The following CDC25C variants were observed in gnomAD, a reference collection of about 807,000 sequenced individuals.
The protein encoded by CDC25C is M-phase inducer phosphatase 3.
Under a neutral mutation model 52.5 loss-of-function variants are expected in CDC25C, and 48 were observed. The observed-to-expected ratio is 0.91, with a 90% CI of 0.72 to 1.16. CDC25C has a LOEUF of 1.16. Ranked by LOEUF, CDC25C falls within the 50% of genes most tolerant of loss-of-function variation. CDC25C has a pLI of 0.00. For synonymous variants in CDC25C, 187 were observed against 206.5 expected, an observed-to-expected ratio of 0.91 and a Z score of 0.81; for missense variants, 510 against 566.1, an observed-to-expected ratio of 0.90 and a Z score of 1.01.
chr5:138,323,405 C>A (rs1759592635), intron 6 of CDC25C, among the ~76,000 whole-genome samples: 1 of 152,114 alleles, frequency 6.6e-6, no homozygotes, highest in Non-Finnish European at 1.5e-5. Context: ...CGAGGCGATC[C>A]TCTTGCCTTG....
intron 10 of CDC25C, among the ~76,000 whole-genome samples, chr5:138,287,849 G>C (rs1336465404): frequency 6.6e-6 from 1 of 152,088 alleles, no homozygotes; most frequent in Non-Finnish European, 1.5e-5. Flanking sequence ...AGTACACAAA[G>C]ATGTAGGCAC....
Position 138,285,755 on chromosome 5 carries a change from C to A in CDC25C, c.1359G>T (p.Val453=), listed in dbSNP as rs746095616. The change falls in exon 14 of 14, where the codon GTG becomes GTT. Residue 453 remains valine (V), a synonymous_variant. Coordinates refer to ENST00000323760, the MANE Select transcript of CDC25C (RefSeq NM_001790.5). ...ELLRCRSQSK[V]QEGERQLREQ... Reference sequence around the variant, plus strand: ...CCCGCAGCTGCCGCTCCCCTTCCTGCACTTTGCTCTGGCTTCGACACCTCA... The same window carrying A: ...CCCGCAGCTGCCGCTCCCCTTCCTGAACTTTGCTCTGGCTTCGACACCTCA... The A allele has an allele frequency of 1.7e-5, 27 of 1,614,236 alleles. 1 individual carries two copies. The South Asian group carries it at 2.7e-4, about 16-fold the overall frequency.
chr5:138,322,096 G>A (rs1759456451), intron 6 of CDC25C, among the ~76,000 whole-genome samples: 1 of 151,658 alleles, frequency 6.6e-6, no homozygotes, highest in Non-Finnish European at 1.5e-5. Context: ...CCGCCTCCCG[G>A]GTTCACGCCA....
In CDC25C at chr5:138,286,122, A is replaced by G; in HGVS notation, c.1172T>C (p.Leu391Pro). Residue 391 changes from leucine (L) to proline (P), a missense_variant, in exon 13 of 14, where the codon CTG becomes CCG. Physicochemically the swap from Leu to Pro is moderately conservative, Grantham distance 98. Coordinates refer to ENST00000323760, the MANE Select transcript of CDC25C (RefSeq NM_001790.5). ...SERGPRMCRCLREEDRSLNQY... is the reference protein window; with the variant it reads ...SERGPRMCRCPREEDRSLNQY... Reference sequence around the variant, plus strand: ...GTTCAGAGACCTGTCCTCTTCACGCAGACAGCGGCACCTTTAGAGAGAACC... The same window carrying G: ...GTTCAGAGACCTGTCCTCTTCACGCGGACAGCGGCACCTTTAGAGAGAACC... 1 of 1,613,470 alleles carries G rather than the reference A, an allele frequency of 6.2e-7. No homozygotes were observed. The highest frequency in any genetic ancestry group is 1.1e-5 in the South Asian group (1 of 91,050).
intron 7 of CDC25C, among the ~76,000 whole-genome samples, chr5:138,312,417 AC>A (rs1758523614): frequency 1.3e-5 from 2 of 152,246 alleles, no homozygotes; most frequent in African/African-American, 4.8e-5. Flanking sequence ...ATATTTGTAA[AC>A]CAATTTTTAT....
Position 138,285,707 on chromosome 5 carries a change from C to G in CDC25C, c.1407G>C (p.Lys469Asn), listed in dbSNP as rs1489027328. ...QLREQIALLV[K>N]DMSP ...TGGAATGTTATCATGGGCTCATGTC[C>G]TTCACCAGAAGGGCAATCTGCTCCC... Residue 469 changes from lysine (K) to asparagine (N), a missense_variant, in exon 14 of 14, where the codon AAG becomes AAC. Coordinates refer to ENST00000323760, the MANE Select transcript of CDC25C (RefSeq NM_001790.5). 6.2e-7 allele frequency: 1 copy of G among 1,613,982 alleles called. No individual in the cohort carries two copies. The highest frequency in any genetic ancestry group is 8.5e-7 in the Non-Finnish European group (1 of 1,180,008).
intron 7 of CDC25C, among the ~76,000 whole-genome samples, chr5:138,312,026 A>C (rs1475831566): frequency 2.6e-5 from 4 of 152,208 alleles, no homozygotes; most frequent in Non-Finnish European, 5.9e-5. Flanking sequence ...CATCAGATGG[A>C]TAGTATCAAA....
At chr5:138,318,419 A>G (rs530706761) in intron 7 of CDC25C, among the ~76,000 whole-genome samples, 79 of 152,316 alleles carry the variant, frequency 5.2e-4, no homozygotes, top group Non-Finnish European at 1.0e-3. Context: ...TGTTTATTCA[A>G]GAATGAATTG....
chr5:138,332,529 A>C (rs1760474631), upstream of CDC25C, among the ~76,000 whole-genome samples: 1 of 152,146 alleles, frequency 6.6e-6, no homozygotes, highest in Non-Finnish European at 1.5e-5. Flanking sequence ...AGGACCTCAA[A>C]GATTGGTTAT....
intron 7 of CDC25C, among the ~76,000 whole-genome samples, chr5:138,294,554 G>C (rs1261082058): frequency 6.8e-6 from 1 of 146,988 alleles, no homozygotes; most frequent in East Asian, 2.0e-4. Context: ...ACCCAGGCTG[G>C]AGTGCAGTGG....
rs374835254 is a variant in CDC25C at position 138,300,126 on chromosome 5, C to T, written c.616-8010G>A. Among the ~76,000 whole-genome samples, 6 of 152,044 alleles carry T rather than the reference C, an allele frequency of 3.9e-5. No homozygotes were observed. In the East Asian group the frequency reaches 7.7e-4, roughly 20 times the overall value. On this transcript the variant is annotated intron_variant, in intron 7 of 13. Coordinates refer to ENST00000323760, the MANE Select transcript of CDC25C (RefSeq NM_001790.5). Reference sequence around the variant, plus strand: ...GAGGTGGAAGGATTGCTGGAGCACACAGGAGTTCAAGGCGACATAGTGAGG... The same window carrying T: ...GAGGTGGAAGGATTGCTGGAGCACATAGGAGTTCAAGGCGACATAGTGAGG...
chr5:138,292,848 C>G (rs1756861315), intron 7 of CDC25C, among the ~76,000 whole-genome samples: 1 of 152,124 alleles, frequency 6.6e-6, no homozygotes, highest in South Asian at 2.1e-4. Flanking sequence ...CTGATAACAC[C>G]TTCCAACTAA....
At chr5:138,306,155 C>T (rs1757985807) in intron 7 of CDC25C, among the ~76,000 whole-genome samples, 1 of 152,078 alleles carries the variant, frequency 6.6e-6, no homozygotes, top group Non-Finnish European at 1.5e-5. Flanking sequence ...CTGAGTTCCT[C>T]AGTACCCTCC....
chr5:138,286,670 T>A (rs764282400), intron 11 of CDC25C, 40 bp from the exon 12 acceptor site: 2 of 1,569,708 alleles, frequency 1.3e-6, no homozygotes, highest in Non-Finnish European at 1.7e-6. Flanking sequence ...CCTCAGGGGC[T>A]TATAGACAGT....
At chr5:138,327,131 T>C (rs1170488832) in intron 4 of CDC25C, among the ~76,000 whole-genome samples, 1 of 150,982 alleles carries the variant, frequency 6.6e-6, no homozygotes, top group Non-Finnish European at 1.5e-5. Flanking sequence ...GGCATGTGCC[T>C]GTAGTCCCAG....
chr5:138,290,908 T>C (rs544674272), intron 8 of CDC25C, among the ~76,000 whole-genome samples, 168 bp from the exon 9 acceptor site: 2 of 152,124 alleles, frequency 1.3e-5, no homozygotes, highest in East Asian at 3.9e-4. Context: ...TGAGCTACGA[T>C]TGCACCACTG....
intron 7 of CDC25C, among the ~76,000 whole-genome samples, chr5:138,292,326 T>C (rs1311421930): frequency 2.0e-5 from 3 of 152,050 alleles, no homozygotes; most frequent in African/African-American, 4.8e-5. Flanking sequence ...CCTGTCTTCA[T>C]AGGCCCGTTA....
At chr5:138,296,608 A>T (rs1262173431) in intron 7 of CDC25C, among the ~76,000 whole-genome samples, 111 of 135,602 alleles carry the variant, frequency 8.2e-4, no homozygotes, top group African/African-American at 1.2e-3. Context: ...ATTATTAATT[A>T]TTTTTTTTTT....
intron 9 of CDC25C, among the ~76,000 whole-genome samples, chr5:138,290,058 C>T (rs1756580158): frequency 6.6e-6 from 1 of 151,610 alleles, no homozygotes; most frequent in Non-Finnish European, 1.5e-5. Context: ...CAGATCAAGA[C>T]CTTGAATCTT....
Sources: gnomAD v4.1 joint callset for allele counts (sites outside exome capture counted in the v4.1 genomes callset) on GRCh38, gnomAD v4.1.1 for gene constraint, MANE v1.5 for transcripts, NCBI Gene and HGNC (gene_info 2026-07-23, HGNC 2026-07-21) for gene names.